Variants in ELAVL3 observed in about 807,000 individuals in gnomAD.
ELAVL3 encodes the protein ELAV-like protein 3.
In ELAVL3, 8 loss-of-function variants were observed where a neutral mutation model predicts 34.2. The observed-to-expected ratio is 0.23, with a 90% CI of 0.14 to 0.42. The LOEUF (loss-of-function observed/expected upper bound fraction) is 0.42, where lower values mean the gene tolerates loss of function less well. Ranked by LOEUF, ELAVL3 falls within the 10% of genes least tolerant of loss-of-function variation. The pLI is 1.00. For missense variants in ELAVL3, 273 were observed against 518.8 expected (o/e 0.53, Z 4.60); for synonymous variants, 209 against 222.1 (o/e 0.94, Z 0.53).
chr19:11,466,874 G>A lies in ELAVL3; in HGVS notation c.10-47C>T, dbSNP rs746170189. 6.6e-7 allele frequency: 1 copy of A among 1,511,796 alleles called. No individual in the cohort carries two copies. The highest frequency in any genetic ancestry group is 9.0e-7 in the Non-Finnish European group (1 of 1,112,794). 93.6% of individuals were successfully genotyped at this position (1,511,796 alleles called of 1,614,324 possible). A position where few individuals can be genotyped will look rare whatever the true frequency, so the allele number is the denominator to read the frequency against. ...CGCTCACCGCCCAGTCCCCACACCAGGGGCCTGCGGCAATGAGTGGCTTGG... is the reference window on the plus strand; with the variant it reads ...CGCTCACCGCCCAGTCCCCACACCAAGGGCCTGCGGCAATGAGTGGCTTGG... On this transcript the variant is annotated intron_variant, in intron 1 of 6. Transcript: ENST00000359227. The surrounding 1 kb of genome is among the most constrained non-coding windows in gnomAD (Gnocchi z 5.0).
chr19:11,453,659 G>A lies in ELAVL3; in HGVS notation c.*867C>T, dbSNP rs1970702892. 6.5e-6 allele frequency: 1 copy of A among 152,854 alleles called. No individual in the cohort carries two copies. The highest frequency in any genetic ancestry group is 2.4e-5 in the African/African-American group (1 of 41,406). 9.5% of individuals were successfully genotyped at this position (152,854 alleles called of 1,614,324 possible). On this transcript the variant is annotated 3_prime_UTR_variant, in exon 7 of 7. Coordinates refer to ENST00000359227, the MANE Select transcript of ELAVL3 (RefSeq NM_001420.4). ...GAGTTTGGCCAACCAGTCCCTTAAC[G>A]TGTCTGGGGCATGTCGCTGTGTCCG... is the stretch of plus-strand genomic sequence containing the variant.
rs1970713084 is a variant in ELAVL3, at chr19:11,454,014, C to T, written c.*512G>A. 1 of 152,222 alleles carries T rather than the reference C, an allele frequency of 6.6e-6. No individual in the cohort carries two copies. Among genetic ancestry groups the T allele is most frequent in the African/African-American group, 2.4e-5 (1 of 41,248 alleles). The allele number at this position is 152,222 out of a possible 1,614,324, so 9.4% of individuals were successfully genotyped here. On this transcript the variant is annotated 3_prime_UTR_variant, in exon 7 of 7. Transcript: ENST00000359227. This position sits in a 1 kb window ranked among gnomAD's most constrained non-coding sequence, Gnocchi z 9.2. Reference sequence around the variant, plus strand: ...CCACTGCCTGCTCCCCCGCATTCCACCAGGGGGCACTGGGCCGGGGGTGCC... The same window carrying T: ...CCACTGCCTGCTCCCCCGCATTCCATCAGGGGGCACTGGGCCGGGGGTGCC...
At chr19:11,470,876 T>C (rs937262779) in intron 1 of ELAVL3, among the ~76,000 whole-genome samples, 40 of 152,232 alleles carry the variant, frequency 2.6e-4, no homozygotes, top group African/African-American at 8.9e-4. Flanking sequence ...GACAGGATCT[T>C]GCTTTGTTAC....
rs144872962 is a variant in ELAVL3 at position 11,460,002 on chromosome 19, G to C, written c.334-1391C>G. On this transcript the variant is annotated intron_variant, in intron 3 of 6. Coordinates refer to ENST00000359227, the MANE Select transcript of ELAVL3 (RefSeq NM_001420.4). The stretch of plus-strand genomic sequence containing the variant: ...AGTCATCAGCTCCCAAATGTCCCCA[G>C]TCTGCACCCCTGGTGGCAACTGCAT... Among the ~76,000 whole-genome samples, 678 of 152,112 alleles carry C rather than the reference G, an allele frequency of 4.5e-3. 7 individuals are homozygous for C. The highest frequency in any genetic ancestry group is 0.015 in the African/African-American group (637 of 41,492).
At chr19:11,455,004 A>ATTT in intron 6 of ELAVL3, 127 bp from the exon 7 acceptor site, 9 of 867,930 alleles carry the variant, frequency 1.0e-5, no homozygotes, top group Non-Finnish European at 1.5e-5. Context: ...CTGCAATGCA[A>ATTT]TTTTTTTTTT....
In ELAVL3 at chr19:11,453,793, C is replaced by A. The variant is rs1970706689; in HGVS notation, c.*733G>T. On this transcript the variant is annotated 3_prime_UTR_variant, in exon 7 of 7. Coordinates refer to ENST00000359227, the MANE Select transcript of ELAVL3 (RefSeq NM_001420.4). ...GCCCTGCTCCCTGGGCCCCCCCCAC[C>A]CCCGCCCCAGTTGGTAAACATAACC... is the stretch of plus-strand genomic sequence containing the variant. The A allele has an allele frequency of 6.6e-6, 1 of 150,946 alleles. No homozygotes were observed. Among genetic ancestry groups the A allele is most frequent in the South Asian group, 2.1e-4 (1 of 4,748 alleles). 9.4% of individuals were successfully genotyped at this position (150,946 alleles called of 1,614,324 possible). A position where few individuals can be genotyped will look rare whatever the true frequency, so the allele number is the denominator to read the frequency against.
At chr19:11,469,428 G>A (rs1971120188) in intron 1 of ELAVL3, among the ~76,000 whole-genome samples, 1 of 152,096 alleles carries the variant, frequency 6.6e-6, no homozygotes, top group African/African-American at 2.4e-5. Context: ...GTATAGGCAT[G>A]CGCCACCATG....
intron 1 of ELAVL3, among the ~76,000 whole-genome samples, chr19:11,467,491 G>T (rs1034674808): frequency 2.0e-5 from 3 of 151,868 alleles, no homozygotes; most frequent in Non-Finnish European, 2.9e-5. Flanking sequence ...CTTTGTTTTT[G>T]TTGTTGTTGT....
rs1237601024 is a variant in ELAVL3 at position 11,454,856 on chromosome 19, C to T, written c.774G>A (p.Arg258=). ...TACCATCGATGGCGATCGGCGAGAA[C>T]CTGGCGATGAGCGACAGGGGACTAC... ...GVKSPLSLIA[R]FSPIAIDGMS... is the part of the protein sequence containing the mutation. The change falls in exon 7 of 7, where the codon AGG becomes AGA. Residue 258 remains arginine (R), a synonymous_variant. Coordinates refer to ENST00000359227, the MANE Select transcript of ELAVL3 (RefSeq NM_001420.4). This position sits in a 1 kb window ranked among gnomAD's most constrained non-coding sequence, Gnocchi z 9.2. 6.2e-7 allele frequency: 1 copy of T among 1,601,974 alleles called. No homozygotes were observed. Among genetic ancestry groups the T allele is most frequent in the Non-Finnish European group, 8.5e-7 (1 of 1,177,426 alleles).
At chr19:11,471,172 T>C (rs781073061) in intron 1 of ELAVL3, among the ~76,000 whole-genome samples, 21 of 151,324 alleles carry the variant, frequency 1.4e-4, no homozygotes, top group Non-Finnish European at 2.5e-4. Context: ...TAGCCGGGCA[T>C]GGTGGTGTGC....
Position 11,465,983 on chromosome 19 carries a change from G to A in ELAVL3, c.333+189C>T, listed in dbSNP as rs970986579. On this transcript the variant is annotated intron_variant, in intron 3 of 6. Transcript: ENST00000359227. ...CCCATTGACAGGTGAGGAAACTGAG[G>A]TTTAGAGAGGGAAAGCCATTGCCCC... Among the ~76,000 whole-genome samples, 91 of 152,134 alleles carry A rather than the reference G, an allele frequency of 6.0e-4. 2 individuals carry two copies. Among genetic ancestry groups the A allele is most frequent in the Admixed American group, 5.4e-3 (83 of 15,288 alleles).
intron 1 of ELAVL3, among the ~76,000 whole-genome samples, chr19:11,469,656 A>G (rs1295384030): frequency 6.6e-6 from 1 of 152,248 alleles, no homozygotes; most frequent in African/African-American, 2.4e-5. Context: ...AGTTTTGTTT[A>G]TATACATTGC....
At chr19:11,465,130 CCA>C (rs1466603814) in intron 3 of ELAVL3, among the ~76,000 whole-genome samples, 2 of 124,994 alleles carry the variant, frequency 1.6e-5, no homozygotes, top group African/African-American at 5.9e-5. Context: ...CACATACACA[CCA>C]CACACATACA....
intron 5 of ELAVL3, 112 bp from the exon 6 acceptor site, chr19:11,457,260 CCCCCGCCTGCCTGCT>C (rs1465800946): frequency 3.5e-6 from 4 of 1,152,868 alleles, no homozygotes; most frequent in African/African-American, 1.7e-5. Context: ...CAGAGCCCTG[CCCCCGCCTGCCTGCT>C]CCCCGCCCGC....
In ELAVL3 at chr19:11,459,112, C is replaced by G. The variant is rs62131154; in HGVS notation, c.334-501G>C. Among the ~76,000 whole-genome samples, 91 of 144,664 alleles carry G rather than the reference C, an allele frequency of 6.3e-4. 1 individual carries two copies. The highest frequency in any genetic ancestry group is 2.3e-3 in the African/African-American group (90 of 39,030). 94.9% of individuals were successfully genotyped at this position (144,664 alleles called of 152,430 possible). ...ACAGGCGCCCACCACCACGCCTGAC[C>G]AGCATTTTTTTTTTCTTTTTTTTTT... On this transcript the variant is annotated intron_variant, in intron 3 of 6. Coordinates refer to ENST00000359227, the MANE Select transcript of ELAVL3 (RefSeq NM_001420.4).
chr19:11,464,584 C>A (rs1970970998), intron 3 of ELAVL3, among the ~76,000 whole-genome samples: 1 of 147,960 alleles, frequency 6.8e-6, no homozygotes, highest in African/African-American at 2.5e-5. Flanking sequence ...ACACACCCCA[C>A]ACACACATAC....
chr19:11,463,253 G>T (rs1970929131), intron 3 of ELAVL3, among the ~76,000 whole-genome samples: 1 of 152,132 alleles, frequency 6.6e-6, no homozygotes, highest in African/African-American at 2.4e-5. Context: ...ATGGGGCCTG[G>T]CCCGCGGCAG....
At chr19:11,459,425 G>A (rs761922346) in intron 3 of ELAVL3, among the ~76,000 whole-genome samples, 17 of 150,810 alleles carry the variant, frequency 1.1e-4, no homozygotes, top group Non-Finnish European at 1.6e-4. Context: ...GAGCCACCGC[G>A]CCTTACCTAA....
At position 11,458,362 on chromosome 19, in the gene ELAVL3, C is replaced by A; in HGVS notation, c.488-76G>T. 16 of 1,605,744 alleles carry A rather than the reference C, an allele frequency of 1.0e-5. No individual in the cohort carries two copies. The highest frequency in any genetic ancestry group is 1.2e-5 in the Non-Finnish European group (14 of 1,175,294). ...AACCCCACTTCTCCCTTCCCTGCTT[C>A]ATGCCCTGGCATCTTGGTCGGTTTC... On this transcript the variant is annotated intron_variant, in intron 4 of 6. Coordinates refer to ENST00000359227, the MANE Select transcript of ELAVL3 (RefSeq NM_001420.4). This position sits in a 1 kb window ranked among gnomAD's most constrained non-coding sequence, Gnocchi z 7.3.
Sources: gnomAD v4.1 joint callset for allele counts (sites outside exome capture counted in the v4.1 genomes callset) on GRCh38, gnomAD v4.1.1 for gene constraint, Gnocchi (gnomAD v3.1) non-coding constraint, MANE v1.5 for transcripts, NCBI Gene and HGNC (gene_info 2026-07-23, HGNC 2026-07-21) for gene names.